TAOK2: variants seen among roughly 807,000 people sequenced by gnomAD.
TAOK2 encodes the protein serine/threonine-protein kinase TAO2.
A neutral mutation model predicts 122.5 loss-of-function variants in TAOK2; 42 were observed. The observed-to-expected ratio is 0.34, with a 90% CI of 0.27 to 0.44. The LOEUF (loss-of-function observed/expected upper bound fraction) is 0.44. Among genes scored for constraint, TAOK2 ranks in the 20% least tolerant of loss-of-function variants. The pLI, the probability that TAOK2 is intolerant of heterozygous loss-of-function variation, is 1.00. For missense variants in TAOK2, 1,264 were observed against 1,644.9 expected (o/e 0.77, Z 4.01); for synonymous variants, 704 against 677.6 (o/e 1.04, Z -0.61).
chr16:29,990,191 G>A (rs1241691288), downstream of TAOK2: 1 of 224,224 alleles, frequency 4.5e-6, no homozygotes, highest in African/African-American at 2.3e-5. Context: ...CTAAAAAAAT[G>A]ATCACACCTA....
downstream of TAOK2, chr16:29,991,326 C>A (rs1449735944): frequency 4.4e-6 from 7 of 1,607,256 alleles, no homozygotes; most frequent in Non-Finnish European, 5.9e-6. This position sits in a 1 kb window ranked among gnomAD's most constrained non-coding sequence, Gnocchi z 5.6. Flanking sequence ...CTGGCGTCAG[C>A]CGTCTCTGCT....
chr16:29,989,898 G>A (rs776500577), downstream of TAOK2: 30 of 1,342,972 alleles, frequency 2.2e-5, no homozygotes, highest in Non-Finnish European at 3.0e-5. Context: ...GCACAGAGCT[G>A]GGGCTTTTTT....
chr16:29,985,130 T>C lies in TAOK2; in HGVS notation c.1423-83T>C. The stretch of plus-strand genomic sequence containing the variant: ...ATGAAACCCATGAGTTGAAAACCCA[T>C]GCTCTTCCCCACGGAAGACCCCTTG... On this transcript the variant is annotated intron_variant, in intron 13 of 15. Transcript: ENST00000308893. This position sits in a 1 kb window ranked among gnomAD's most constrained non-coding sequence, Gnocchi z 6.9. 3 of 1,425,806 alleles carry C rather than the reference T, an allele frequency of 2.1e-6. No homozygotes were observed. Among genetic ancestry groups the C allele is most frequent in the South Asian group, 3.6e-5 (2 of 56,196 alleles). 88.3% of individuals were successfully genotyped at this position (1,425,806 alleles called of 1,614,324 possible).
At chr16:29,991,783 C>T (rs2069974949), downstream of TAOK2, 7 of 494,760 alleles carry the variant, frequency 1.4e-5, no homozygotes, top group Admixed American at 2.9e-4. The surrounding 1 kb of genome is among the most constrained non-coding windows in gnomAD (Gnocchi z 5.6). Context: ...GGAGCCCCGC[C>T]TCCCTACCAT....
downstream of TAOK2, chr16:29,991,855 T>G: frequency 2.9e-6 from 1 of 342,758 alleles, no homozygotes; most frequent in Non-Finnish European, 5.3e-6. This position sits in a 1 kb window ranked among gnomAD's most constrained non-coding sequence, Gnocchi z 5.6. Flanking sequence ...CAAATATTCA[T>G]CTAGTCCCCT....
chr16:29,975,744 C>A (rs1473508658), intron 1 of TAOK2, among the ~76,000 whole-genome samples: 1 of 152,154 alleles, frequency 6.6e-6, no homozygotes. Flanking sequence ...GAATGATCCC[C>A]CAAAGGATTA....
chr16:29,979,388 T>C lies in TAOK2; in HGVS notation c.564-29T>C, dbSNP rs150796517. ...GAGTGACAGGGTCTCGGCGGGTGAT[T>C]TGCCTCTCTCTCCTGACCATTCTCC... On this transcript the variant is annotated intron_variant, in intron 7 of 15. Coordinates refer to ENST00000308893, the MANE Select transcript of TAOK2 (RefSeq NM_016151.4). The surrounding 1 kb of genome is among the most constrained non-coding windows in gnomAD (Gnocchi z 4.1). 1,469 of 1,604,666 alleles carry C rather than the reference T, an allele frequency of 9.2e-4. 12 individuals carry two copies. In the African/African-American group the frequency reaches 0.017, roughly 19 times the overall value.
chr16:29,988,796 AG>A (rs950590463), downstream of TAOK2: 3 of 985,068 alleles, frequency 3.0e-6, no homozygotes, highest in Non-Finnish European at 3.6e-6. Flanking sequence ...CCTCCACAGT[AG>A]GGGGTGCTGA....
chr16:29,982,907 C>A lies in TAOK2; in HGVS notation c.999+6C>A, dbSNP rs1192989288. The A allele has an allele frequency of 1.2e-6, 2 of 1,613,384 alleles. No homozygotes were observed. The highest frequency in any genetic ancestry group is 1.7e-6 in the Non-Finnish European group (2 of 1,179,740). On this transcript the variant is annotated splice_donor_region_variant and intron_variant, in intron 11 of 15. Coordinates refer to ENST00000308893, the MANE Select transcript of TAOK2 (RefSeq NM_016151.4). ...AGGCCCCAGAGGAGGAAGAGGTGACCCAGCTTGCCCTAACACCCCTCTTTA... is the reference window on the plus strand; with the variant it reads ...AGGCCCCAGAGGAGGAAGAGGTGACACAGCTTGCCCTAACACCCCTCTTTA...
chr16:29,986,522 C>T lies in TAOK2; in HGVS notation c.2250C>T (p.Arg750=), dbSNP rs74627491. Residue 750 remains arginine (R), a synonymous_variant, in exon 16 of 16, where the codon CGC becomes CGT. Coordinates refer to ENST00000308893, the MANE Select transcript of TAOK2 (RefSeq NM_016151.4). The surrounding 1 kb of genome is among the most constrained non-coding windows in gnomAD (Gnocchi z 4.2). The stretch of plus-strand genomic sequence containing the variant: ...GCCTCAAAGTACGTGCAGGCCAGCG[C>T]CCCCCGGGCCTTCCACTCCCCATTC... ...PKSLKVRAGQ[R]PPGLPLPIPG... is the part of the protein sequence containing the mutation. 2 of 1,611,238 alleles carry T rather than the reference C, an allele frequency of 1.2e-6. No homozygotes were observed. The highest frequency in any genetic ancestry group is 1.7e-6 in the Non-Finnish European group (2 of 1,178,726).
rs902428264 is a variant in TAOK2 at position 29,974,190 on chromosome 16, C to T, written c.-494C>T. 2.0e-5 allele frequency: 3 copies of T among 152,356 alleles called. No homozygotes were observed. Among genetic ancestry groups the T allele is most frequent in the Non-Finnish European group, 2.9e-5 (2 of 68,114 alleles). 9.4% of individuals were successfully genotyped at this position (152,356 alleles called of 1,614,324 possible). A position where few individuals can be genotyped will look rare whatever the true frequency, so the allele number is the denominator to read the frequency against. On this transcript the variant is annotated 5_prime_UTR_variant, in exon 1 of 16. Transcript: ENST00000308893. ...CCCAAATTTCCAGGCTTTGCCCCTCCTCCTTTCTCAGATACCCGGGTAACA... is the reference window on the plus strand; with the variant it reads ...CCCAAATTTCCAGGCTTTGCCCCTCTTCCTTTCTCAGATACCCGGGTAACA...
At position 29,981,883 on chromosome 16, in the gene TAOK2, C is replaced by A. The variant is rs139742949; in HGVS notation, c.774C>A (p.Val258=). The part of the protein sequence containing the change: ...GHWSEYFRNF[V]DSCLQKIPQD... Reference sequence around the variant, plus strand: ...GGTCTGAGTACTTCCGGAATTTTGTCGACTCCTGTCTTCAGAAAATCCCTC... The same window carrying A: ...GGTCTGAGTACTTCCGGAATTTTGTAGACTCCTGTCTTCAGAAAATCCCTC... The change falls in exon 10 of 16, where the codon GTC becomes GTA. Residue 258 remains valine (V), a synonymous_variant. Coordinates refer to ENST00000308893, the MANE Select transcript of TAOK2 (RefSeq NM_016151.4). The A allele has an allele frequency of 6.2e-7, 1 of 1,605,468 alleles. No homozygotes were observed. Among genetic ancestry groups the A allele is most frequent in the Non-Finnish European group, 8.5e-7 (1 of 1,176,094 alleles).
At chr16:29,978,487 G>T in intron 4 of TAOK2, 134 bp downstream of exon 4, 1 of 999,540 alleles carries the variant, frequency 1.0e-6, no homozygotes, top group Non-Finnish European at 1.5e-6. Flanking sequence ...TCTTTTGACC[G>T]CTTTAGTCCT....
Position 29,979,381 on chromosome 16 carries a change from G to A in TAOK2, c.564-36G>A, listed in dbSNP as rs745635056. The A allele has an allele frequency of 1.0e-5, 16 of 1,605,520 alleles. No homozygotes were observed. In the East Asian group the frequency reaches 1.1e-4, roughly 11 times the overall value. ...GGAGTAGGAGTGACAGGGTCTCGGC[G>A]GGTGATTTGCCTCTCTCTCCTGACC... On this transcript the variant is annotated intron_variant, in intron 7 of 15. Coordinates refer to ENST00000308893, the MANE Select transcript of TAOK2 (RefSeq NM_016151.4). This position sits in a 1 kb window ranked among gnomAD's most constrained non-coding sequence, Gnocchi z 4.1.
downstream of TAOK2, chr16:29,989,485 C>G: frequency 6.5e-7 from 1 of 1,549,688 alleles, no homozygotes; most frequent in Non-Finnish European, 8.7e-7. Flanking sequence ...CTCTCCTCTT[C>G]TCTCTCTTCT....
chr16:29,977,703 C>T (rs2069497298), intron 1 of TAOK2, 35 bp from the exon 2 acceptor site: 2 of 1,579,750 alleles, frequency 1.3e-6, no homozygotes, highest in African/African-American at 1.4e-5. Context: ...AAGGCTCAAT[C>T]CTTGATCTCT....
downstream of TAOK2, chr16:29,989,875 C>T (rs760789979): frequency 1.4e-4 from 204 of 1,507,646 alleles, no homozygotes; most frequent in Middle Eastern, 4.4e-4. Flanking sequence ...GAGAAATGGA[C>T]GGTGCAGGGC....
At position 29,979,859 on chromosome 16, in the gene TAOK2, C is replaced by A. The variant is rs1470824967; in HGVS notation, c.655+351C>A. ...TAGGGAAACCAGGCAGGCATGTTTTCTTTCAATGTGATGAACGCTGTGTGG... is the reference window on the plus strand; with the variant it reads ...TAGGGAAACCAGGCAGGCATGTTTTATTTCAATGTGATGAACGCTGTGTGG... On this transcript the variant is annotated intron_variant, in intron 8 of 15. Coordinates refer to ENST00000308893, the MANE Select transcript of TAOK2 (RefSeq NM_016151.4). The surrounding 1 kb of genome is among the most constrained non-coding windows in gnomAD (Gnocchi z 4.1). 6.6e-6 allele frequency among the ~76,000 whole-genome samples: 1 copy of A among 152,212 alleles called. No homozygotes were observed. Among genetic ancestry groups the A allele is most frequent in the Non-Finnish European group, 1.5e-5 (1 of 68,034 alleles).
downstream of TAOK2, chr16:29,989,913 G>A: frequency 1.8e-6 from 2 of 1,081,930 alleles, no homozygotes; most frequent in Non-Finnish European, 2.7e-6. Context: ...TTTTTTACTT[G>A]GGAAACTCAC....
Sources: allele counts gnomAD v4.1 joint callset (sites outside exome capture counted in the v4.1 genomes callset), GRCh38; gene constraint gnomAD v4.1.1; non-coding constraint Gnocchi (gnomAD v3.1); transcripts MANE v1.5; gene names NCBI Gene and HGNC (gene_info 2026-07-23, HGNC 2026-07-21).